SDK1: variants seen among roughly 807,000 people sequenced by gnomAD.
SDK1 encodes protein sidekick-1.
A neutral mutation model predicts 245.5 loss-of-function variants in SDK1; 157 were observed. The ratio of observed to expected loss-of-function variants is 0.64; its 90% CI spans 0.56 to 0.73. The LOEUF is 0.73. Ranked by LOEUF, SDK1 falls within the 30% of genes least tolerant of loss-of-function variation. The pLI, the probability that SDK1 is intolerant of heterozygous loss-of-function variation, is 0.00. For synonymous variants in SDK1, 1,647 were observed against 1,278.5 expected (o/e 1.29, Z -6.15); for missense variants, 3,583 against 3,002.3 (o/e 1.19, Z -4.52).
chr7:3,373,420 C>A (rs1236690092), intron 1 of SDK1, among the ~76,000 whole-genome samples: 1 of 152,180 alleles, frequency 6.6e-6, no homozygotes, highest in African/African-American at 2.4e-5. Flanking sequence ...ACCATATGGT[C>A]TCAATAGATG....
At chr7:4,196,100 C>T (rs142360074) in intron 35 of SDK1, among the ~76,000 whole-genome samples, 59 of 152,290 alleles carry the variant, frequency 3.9e-4, no homozygotes, top group African/African-American at 1.2e-3. Flanking sequence ...AGAGAAGCAG[C>T]GTGGACCTTA....
At chr7:3,803,649 G>A (rs548196495) in intron 4 of SDK1, among the ~76,000 whole-genome samples, 20 of 150,632 alleles carry the variant, frequency 1.3e-4, no homozygotes, top group Admixed American at 3.3e-4. Context: ...TTTAATTGTT[G>A]ACTTTTAAGA....
chr7:3,926,675 T>C (rs1310801270), intron 5 of SDK1, among the ~76,000 whole-genome samples: 2 of 152,062 alleles, frequency 1.3e-5, no homozygotes, highest in Non-Finnish European at 2.9e-5. Flanking sequence ...CACCGTGAGG[T>C]CCTGTTTTGA....
At chr7:3,749,384 C>G (rs1198263957) in intron 4 of SDK1, among the ~76,000 whole-genome samples, 1 of 152,208 alleles carries the variant, frequency 6.6e-6, no homozygotes, top group African/African-American at 2.4e-5. Flanking sequence ...ACTGCAACCT[C>G]TGCCTCCCAG....
chr7:3,629,173 C>T (rs369064379), intron 2 of SDK1, among the ~76,000 whole-genome samples: 3 of 150,700 alleles, frequency 2.0e-5, no homozygotes, highest in African/African-American at 4.9e-5. Context: ...TGGTGGCGGG[C>T]GCCTGTAGTC....
chr7:3,803,148 G>C (rs561776296), intron 4 of SDK1, among the ~76,000 whole-genome samples: 2 of 152,222 alleles, frequency 1.3e-5, no homozygotes, highest in South Asian at 2.1e-4. Flanking sequence ...ATTTTAATAG[G>C]TGTGGAAGGG....
chr7:4,117,924 C>G (rs1049595272), intron 25 of SDK1, among the ~76,000 whole-genome samples: 55 of 152,136 alleles, frequency 3.6e-4, no homozygotes, highest in Admixed American at 3.6e-3. Flanking sequence ...TACCTGGACT[C>G]TGAGTAGAGA....
chr7:3,802,056 C>A (rs1188646339), intron 4 of SDK1, among the ~76,000 whole-genome samples: 1 of 152,210 alleles, frequency 6.6e-6, no homozygotes, highest in Non-Finnish European at 1.5e-5. Context: ...CTTAATTATA[C>A]ATTCACAGAA....
At chr7:3,813,572 A>G (rs1779437734) in intron 4 of SDK1, among the ~76,000 whole-genome samples, 1 of 150,888 alleles carries the variant, frequency 6.6e-6, no homozygotes, top group Non-Finnish European at 1.5e-5. Context: ...CAGTAAACAT[A>G]CATGTGCATG....
At chr7:3,577,852 C>T (rs1780343152) in intron 1 of SDK1, among the ~76,000 whole-genome samples, 1 of 151,984 alleles carries the variant, frequency 6.6e-6, no homozygotes, top group Admixed American at 6.6e-5. Context: ...CCTGCATTGC[C>T]TGGCAGCTCC....
At chr7:3,651,588 C>T (rs1329358233) in intron 4 of SDK1, among the ~76,000 whole-genome samples, 3 of 152,026 alleles carry the variant, frequency 2.0e-5, no homozygotes, top group South Asian at 4.2e-4. Flanking sequence ...AATAGACGTC[C>T]GATGGAGAAA....
rs576868871 is a variant in SDK1, at chr7:4,028,561, A to G, written c.2602+11209A>G. 5.3e-5 allele frequency among the ~76,000 whole-genome samples: 8 copies of G among 152,330 alleles called. No homozygotes were observed. In the South Asian group the frequency reaches 1.0e-3, roughly 20 times the overall value. Reference sequence around the variant, plus strand: ...GGATATGGGTGATGACACATTGTCTACATAAGAGGACTGAGCTGTTGGGAC... The same window carrying G: ...GGATATGGGTGATGACACATTGTCTGCATAAGAGGACTGAGCTGTTGGGAC... On this transcript the variant is annotated intron_variant, in intron 17 of 44. Transcript: ENST00000404826.
At chr7:3,376,899 C>G (rs1781369837) in intron 1 of SDK1, among the ~76,000 whole-genome samples, 3 of 151,518 alleles carry the variant, frequency 2.0e-5, no homozygotes, top group Admixed American at 1.3e-4. Context: ...TTTCCAGTTC[C>G]TCTTGGACTT....
intron 5 of SDK1, among the ~76,000 whole-genome samples, chr7:3,900,774 C>T (rs1029863602): frequency 6.6e-6 from 1 of 152,102 alleles, no homozygotes; most frequent in Non-Finnish European, 1.5e-5. Context: ...TGCTCTGTCA[C>T]ACACTCGTTT....
intron 1 of SDK1, among the ~76,000 whole-genome samples, chr7:3,386,904 C>G (rs1228722440): frequency 2.0e-5 from 3 of 152,152 alleles, no homozygotes; most frequent in African/African-American, 4.8e-5. Context: ...GACATCTTTA[C>G]TGAATGCTGC....
intron 1 of SDK1, among the ~76,000 whole-genome samples, chr7:3,450,656 G>T (rs981699331): frequency 3.3e-5 from 5 of 152,190 alleles, no homozygotes; most frequent in African/African-American, 9.7e-5. Context: ...TTAGGGTTTT[G>T]TGGGGACAAA....
At chr7:4,265,029 C>T (rs1189621727) in intron 44 of SDK1, 95 bp from the exon 45 acceptor site, 7 of 1,520,366 alleles carry the variant, frequency 4.6e-6, no homozygotes, top group Non-Finnish European at 6.1e-6. Context: ...ACACACGCCC[C>T]TGGGGAGGTG....
At chr7:3,746,620 A>G (rs1779629561) in intron 4 of SDK1, among the ~76,000 whole-genome samples, 1 of 152,254 alleles carries the variant, frequency 6.6e-6, no homozygotes, top group South Asian at 2.1e-4. Context: ...CACCAGGAGT[A>G]GGTTCCATCT....
At chr7:3,428,114 T>C (rs1375962075) in intron 1 of SDK1, among the ~76,000 whole-genome samples, 1 of 152,210 alleles carries the variant, frequency 6.6e-6, no homozygotes, top group Non-Finnish European at 1.5e-5. Flanking sequence ...TATATGCTTT[T>C]CTGTCTGTGT....
Sources: allele counts gnomAD v4.1 joint callset (sites outside exome capture counted in the v4.1 genomes callset), GRCh38; gene constraint gnomAD v4.1.1; transcripts MANE v1.5; gene names NCBI Gene and HGNC (gene_info 2026-07-23, HGNC 2026-07-21).